The following LDHAL6A variants were observed in gnomAD, a reference collection of about 807,000 sequenced individuals.
LDHAL6A encodes L-lactate dehydrogenase A-like 6A.
A neutral mutation model predicts 28.2 loss-of-function variants in LDHAL6A; 19 were observed. The observed-to-expected ratio is 0.67, with a 90% CI of 0.47 to 0.99. The LOEUF (loss-of-function observed/expected upper bound fraction) is 0.99, where lower values mean the gene tolerates loss of function less well. Among genes scored for constraint, LDHAL6A ranks in the 50% least tolerant of loss-of-function variants. The probability of loss-of-function intolerance (pLI) is 0.00; values close to 1 mark genes in which losing one functional copy is unlikely to be tolerated. For synonymous variants in LDHAL6A, 144 were observed against 134.4 expected (o/e 1.07, Z -0.49); for missense variants, 372 against 398.6 (o/e 0.93, Z 0.57).
At chr11:18,462,995 C>G (rs1848965720) in intron 1 of LDHAL6A, among the ~76,000 whole-genome samples, 1 of 149,548 alleles carries the variant, frequency 6.7e-6, no homozygotes, top group Non-Finnish European at 1.5e-5. Flanking sequence ...TCTCTCCTTT[C>G]TTACATATAA....
chr11:18,458,399 ACT>A (rs1848813155), intron 1 of LDHAL6A, among the ~76,000 whole-genome samples: 1 of 152,144 alleles, frequency 6.6e-6, no homozygotes, highest in Non-Finnish European at 1.5e-5. Context: ...CATTGTTCAA[ACT>A]CAGTGGTGCT....
chr11:18,474,259 A>G lies in LDHAL6A; in HGVS notation c.419-1207A>G, dbSNP rs2133887952. ...ACGCCTGGCTAATTTTTTTATTTTTAGTAGAGATGGGGTTTCACCATGTTG... is the reference window on the plus strand; with the variant it reads ...ACGCCTGGCTAATTTTTTTATTTTTGGTAGAGATGGGGTTTCACCATGTTG... On this transcript the variant is annotated intron_variant, in intron 3 of 6. Coordinates refer to ENST00000280706, the MANE Select transcript of LDHAL6A (RefSeq NM_144972.5). 1.3e-5 allele frequency among the ~76,000 whole-genome samples: 2 copies of G among 151,104 alleles called. 1 individual carries two copies. The highest frequency in any genetic ancestry group is 4.2e-4 in the South Asian group (2 of 4,794).
chr11:18,465,912 T>C (rs983038517), intron 3 of LDHAL6A, 102 bp downstream of exon 3: 33 of 935,942 alleles, frequency 3.5e-5, no homozygotes, highest in Non-Finnish European at 4.7e-5. Context: ...TGGGGTAGGA[T>C]TGATCCTGCC....
At chr11:18,459,962 C>T (rs577774346) in intron 1 of LDHAL6A, among the ~76,000 whole-genome samples, 14 of 152,272 alleles carry the variant, frequency 9.2e-5, no homozygotes, top group Non-Finnish European at 1.9e-4. Context: ...GAATAAAGTG[C>T]CACTTTTCAT....
intron 6 of LDHAL6A, among the ~76,000 whole-genome samples, chr11:18,478,107 AAGC>A (rs1366927922): frequency 6.6e-6 from 1 of 152,194 alleles, no homozygotes; most frequent in Non-Finnish European, 1.5e-5. Flanking sequence ...AGATCTAAGA[AAGC>A]AGCACTAGAC....
chr11:18,475,365 C>T (rs1185094495), intron 3 of LDHAL6A, 101 bp from the exon 4 acceptor site: 10 of 900,142 alleles, frequency 1.1e-5, no homozygotes, highest in Non-Finnish European at 1.4e-5. Flanking sequence ...TTTCTTGCCT[C>T]CTCCACAAAA....
chr11:18,479,034 G>T lies in LDHAL6A; in HGVS notation c.*164G>T, dbSNP rs1849470149. 1.7e-5 allele frequency: 10 copies of T among 573,078 alleles called. No individual in the cohort carries two copies. Among genetic ancestry groups the T allele is most frequent in the Non-Finnish European group, 2.7e-5 (9 of 339,210 alleles). 35.5% of individuals were successfully genotyped at this position (573,078 alleles called of 1,614,324 possible). A position where few individuals can be genotyped will look rare whatever the true frequency, so the allele number is the denominator to read the frequency against. ...GCTTTTTTTTTTTTCTTTTTTGGGA[G>T]GGTCTCATTCTGTCACCCAGGCTGG... On this transcript the variant is annotated 3_prime_UTR_variant, in exon 7 of 7. Coordinates refer to ENST00000280706, the MANE Select transcript of LDHAL6A (RefSeq NM_144972.5).
chr11:18,473,930 T>TA (rs1849305909), intron 3 of LDHAL6A, among the ~76,000 whole-genome samples: 1 of 152,202 alleles, frequency 6.6e-6, no homozygotes, highest in Non-Finnish European at 1.5e-5. Flanking sequence ...TTTTATTTTT[T>TA]AATCCCTGAA....
At chr11:18,467,962 T>C (rs1352896936) in intron 3 of LDHAL6A, among the ~76,000 whole-genome samples, 12 of 21,868 alleles carry the variant, frequency 5.5e-4, no homozygotes, top group African/African-American at 1.1e-3. Context: ...TATACGTATA[T>C]ATATACGTAT....
At chr11:18,477,234 G>A (rs1259231660) in intron 5 of LDHAL6A, among the ~76,000 whole-genome samples, 2 of 151,962 alleles carry the variant, frequency 1.3e-5, no homozygotes, top group Non-Finnish European at 2.9e-5. Flanking sequence ...CAGGGTAGGT[G>A]GATCACTTGA....
At chr11:18,471,537 C>T (rs543729024) in intron 3 of LDHAL6A, among the ~76,000 whole-genome samples, 2 of 152,042 alleles carry the variant, frequency 1.3e-5, no homozygotes, top group South Asian at 2.1e-4. Flanking sequence ...TACAAAAACA[C>T]ACTGTTGACA....
In LDHAL6A at chr11:18,464,977, G is replaced by GTTTTTTTTT. The variant is rs67628824; in HGVS notation, c.245-659_245-651dup. On this transcript the variant is annotated intron_variant, in intron 2 of 6. Coordinates refer to ENST00000280706, the MANE Select transcript of LDHAL6A (RefSeq NM_144972.5). The stretch of plus-strand genomic sequence containing the variant: ...TTTTAGGAGGTGAGGTGTTTTTTTT[G>GTTTTTTTTT]TTTTTTTTTGTTTTGTTTTGTTTTG... Among the ~76,000 whole-genome samples the GTTTTTTTTT allele has an allele frequency of 3.9e-3, 493 of 125,394 alleles. 41 individuals are homozygous for GTTTTTTTTT. Among genetic ancestry groups the GTTTTTTTTT allele is most frequent in the Middle Eastern group, 8.5e-3 (2 of 236 alleles). The allele number at this position is 125,394 out of a possible 152,430, so 82.3% of individuals were successfully genotyped here.
intron 1 of LDHAL6A, among the ~76,000 whole-genome samples, chr11:18,458,540 CCTCAGGTTAAGG>C (rs1848817302): frequency 6.6e-6 from 1 of 152,152 alleles, no homozygotes; most frequent in Non-Finnish European, 1.5e-5. Flanking sequence ...CCCTATAAAG[CCTCAGGTTAAGG>C]CTCACTTTAA....
At chr11:18,478,320 A>C (rs199841826) in intron 6 of LDHAL6A, among the ~76,000 whole-genome samples, 69 of 152,314 alleles carry the variant, frequency 4.5e-4, no homozygotes, top group African/African-American at 1.6e-3. Context: ...GAGCCCCAGC[A>C]AACATGGCAG....
At position 18,478,539 on chromosome 11, in the gene LDHAL6A, G is replaced by A. The variant is rs149730886; in HGVS notation, c.835-167G>A. Among the ~76,000 whole-genome samples the A allele has an allele frequency of 2.5e-3, 383 of 151,970 alleles. 2 individuals are homozygous for A. Among genetic ancestry groups the A allele is most frequent in the African/African-American group, 9.0e-3 (372 of 41,460 alleles). ...CGTGCCACTGCACTCCAGCCTGGAC[G>A]ACAGAGCAAGAGTCCGTCTCAAAAA... On this transcript the variant is annotated intron_variant, in intron 6 of 6. Coordinates refer to ENST00000280706, the MANE Select transcript of LDHAL6A (RefSeq NM_144972.5).
At chr11:18,468,005 A>G (rs1189591575) in intron 3 of LDHAL6A, among the ~76,000 whole-genome samples, 2 of 69,852 alleles carry the variant, frequency 2.9e-5, no homozygotes, top group East Asian at 6.8e-4. Flanking sequence ...ATATATACGT[A>G]TATATATACA....
At chr11:18,456,882 G>T in intron 1 of LDHAL6A, 76 bp downstream of exon 1, 1 of 1,492,556 alleles carries the variant, frequency 6.7e-7, no homozygotes, top group Non-Finnish European at 9.0e-7. Context: ...TGGAGGTTGT[G>T]TCCAGTTCAA....
intron 3 of LDHAL6A, 46 bp downstream of exon 3, chr11:18,465,856 CACTGTGTAGGTTCATTACATGAGTAT>C (rs1849059614): frequency 1.4e-6 from 2 of 1,478,250 alleles, no homozygotes; most frequent in Non-Finnish European, 1.9e-6. Context: ...TTCGGGGGTA[CACTGTGTAGGTTCATTACATGAGTAT>C]ACTGTGTGAT....
At position 18,476,449 on chromosome 11, in the gene LDHAL6A, A is replaced by G. The variant is rs976331806; in HGVS notation, c.658A>G (p.Thr220Ala). The G allele has an allele frequency of 6.2e-7, 1 of 1,614,072 alleles. No individual in the cohort carries two copies. Among genetic ancestry groups the G allele is most frequent in the African/African-American group, 1.3e-5 (1 of 75,058 alleles). Residue 220 changes from threonine (T) to alanine (A), a missense_variant, in exon 5 of 7, where the codon ACT becomes GCT. Physicochemically the swap from Thr to Ala is moderately conservative, Grantham distance 58. Transcript: ENST00000280706. Reference sequence around the variant, plus strand: ...GAAGGATCTGAACCCAGATATAGGAACTGATAAAGATCCTGAGCAGTGGGA... The same window carrying G: ...GAAGGATCTGAACCCAGATATAGGAGCTGATAAAGATCCTGAGCAGTGGGA... Reference protein sequence around the residue: ...PLKDLNPDIGTDKDPEQWENV... With the variant: ...PLKDLNPDIGADKDPEQWENV...
Sources: allele counts gnomAD v4.1 joint callset (sites outside exome capture counted in the v4.1 genomes callset), GRCh38; gene constraint gnomAD v4.1.1; transcripts MANE v1.5; gene names NCBI Gene and HGNC (gene_info 2026-07-23, HGNC 2026-07-21).